Variants in MALRD1 observed in about 807,000 individuals in gnomAD.
MALRD1 encodes MAM and LDL-receptor class A domain-containing protein 1.
Under a neutral mutation model 242.1 loss-of-function variants are expected in MALRD1, and 247 were observed. The ratio of observed to expected loss-of-function variants is 1.02; its 90% confidence interval spans 0.92 to 1.13. MALRD1 has a LOEUF of 1.13. Among genes scored for constraint, MALRD1 ranks in the 50% most tolerant of loss-of-function variants. The probability of loss-of-function intolerance (pLI) is 0.00; values close to 1 mark genes in which losing one functional copy is unlikely to be tolerated. For missense variants in MALRD1, 2,989 were observed against 2,533.1 expected, an observed-to-expected ratio of 1.18 and a Z score of -3.86; for synonymous variants, 995 against 866.6, an observed-to-expected ratio of 1.15 and a Z score of -2.60.
intron 34 of MALRD1, among the ~76,000 whole-genome samples, chr10:19,603,548 T>C (rs1458760783): frequency 6.6e-6 from 1 of 152,160 alleles, no homozygotes; most frequent in Non-Finnish European, 1.5e-5. Context: ...GTTCCATTGG[T>C]CTATATCTCT....
At chr10:19,396,286 G>A (rs918942482) in intron 28 of MALRD1, among the ~76,000 whole-genome samples, 3 of 151,710 alleles carry the variant, frequency 2.0e-5, no homozygotes, top group Admixed American at 6.6e-5. Flanking sequence ...ACAGGTGCAC[G>A]CCACCACGCC....
chr10:19,098,465 A>C (rs1160681965), intron 4 of MALRD1, among the ~76,000 whole-genome samples: 1 of 152,162 alleles, frequency 6.6e-6, no homozygotes, highest in Non-Finnish European at 1.5e-5. Context: ...TAACTCTTAA[A>C]ATTCTACCCT....
chr10:19,567,619 G>A lies in MALRD1; in HGVS notation c.5596G>A (p.Ala1866Thr), dbSNP rs1415915459. The change falls in exon 33 of 40, where the codon GCA becomes ACA. Residue 1866 changes from alanine (A) to threonine (T), a missense_variant. Physicochemically the swap from Ala to Thr is moderately conservative, Grantham distance 58. Transcript: ENST00000454679. ...PLSSNSPFKV[A>T]FEADLDGNED... ...CTCCAGTAACAGTCCGTTTAAGGTGGCATTTGAAGCTGATTTGGATGGAAA... is the reference window on the plus strand; with the variant it reads ...CTCCAGTAACAGTCCGTTTAAGGTGACATTTGAAGCTGATTTGGATGGAAA... 7.7e-6 allele frequency: 12 copies of A among 1,550,558 alleles called. No individual in the cohort carries two copies. The East Asian group carries it at 1.7e-4, about 22-fold the overall frequency.
In MALRD1 at chr10:19,734,159, T is replaced by A. The variant is rs1461937934; in HGVS notation, c.6393T>A (p.Ser2131Arg). Residue 2131 changes from serine (S) to arginine (R), a missense_variant and splice_region_variant, in exon 40 of 40, where the codon AGT becomes AGA. Coordinates refer to ENST00000454679, the MANE Select transcript of MALRD1 (RefSeq NM_001142308.3). ...TCAAATGTGTTTTTCTTCGTCAGAG[T>A]TCTGTCTATTCCTTCTCAAACCCAT... ...GNWSNPEKTE[S>R]SVYSFSNPLY... 1 of 1,531,904 alleles carries A rather than the reference T, an allele frequency of 6.5e-7. No homozygotes were observed. Among genetic ancestry groups the A allele is most frequent in the Non-Finnish European group, 8.7e-7 (1 of 1,145,518 alleles). The allele number at this position is 1,531,904 out of a possible 1,614,324, so 94.9% of individuals were successfully genotyped here. A position where few individuals can be genotyped will look rare whatever the true frequency, so the allele number is the denominator to read the frequency against.
chr10:19,546,052 G>T (rs1376222475), intron 32 of MALRD1, among the ~76,000 whole-genome samples: 1 of 151,974 alleles, frequency 6.6e-6, no homozygotes, highest in Non-Finnish European at 1.5e-5. Flanking sequence ...TTTCCCATTG[G>T]TTCTGTTAAC....
chr10:19,608,568 T>C (rs1005491094), intron 35 of MALRD1, among the ~76,000 whole-genome samples: 2 of 152,028 alleles, frequency 1.3e-5, no homozygotes, highest in African/African-American at 2.4e-5. Flanking sequence ...TAATATAATT[T>C]TGTCCTAACT....
intron 29 of MALRD1, among the ~76,000 whole-genome samples, chr10:19,472,360 C>T (rs547279636): frequency 1.4e-4 from 21 of 151,882 alleles, no homozygotes; most frequent in Non-Finnish European, 2.4e-4. Context: ...CCTGTATTTT[C>T]TTTTCTTGTA....
intron 21 of MALRD1, among the ~76,000 whole-genome samples, chr10:19,319,672 A>C (rs567858643): frequency 2.2e-4 from 34 of 151,976 alleles, no homozygotes; most frequent in African/African-American, 7.5e-4. Context: ...TCCTTCATGG[A>C]TGGTGCCTGC....
intron 12 of MALRD1, among the ~76,000 whole-genome samples, chr10:19,163,077 G>A (rs1332430629): frequency 7.4e-6 from 1 of 134,882 alleles, no homozygotes; most frequent in African/African-American, 2.8e-5. Context: ...GTTTGAGGCT[G>A]CAGTGAGCCG....
At chr10:19,518,650 G>A (rs1347599120) in intron 31 of MALRD1, among the ~76,000 whole-genome samples, 4 of 150,982 alleles carry the variant, frequency 2.6e-5, no homozygotes, top group African/African-American at 9.7e-5. Flanking sequence ...GCATTTTCAG[G>A]TAATGGTGTG....
At chr10:19,515,367 A>G (rs571281772) in intron 31 of MALRD1, among the ~76,000 whole-genome samples, 2 of 152,232 alleles carry the variant, frequency 1.3e-5, no homozygotes, top group African/African-American at 4.8e-5. Context: ...GTACTTTTTC[A>G]TAGTACACTT....
chr10:19,579,747 T>C (rs982226485), intron 33 of MALRD1, among the ~76,000 whole-genome samples: 5 of 152,200 alleles, frequency 3.3e-5, no homozygotes, highest in Admixed American at 6.5e-5. Context: ...GACTTAACCC[T>C]GTAAGGCGTT....
At position 19,209,399 on chromosome 10, in the gene MALRD1, C is replaced by G. The variant is rs1588700346; in HGVS notation, c.2710C>G (p.Leu904Val). ...CACAGGGCCAATGAAAGATAACACT[C>G]TGGGCACAGCTAAAGGACACTATCT... ...LNTGPMKDNTLGTAKGHYLYI... is the reference protein window; with the variant it reads ...LNTGPMKDNTVGTAKGHYLYI... The change falls in exon 18 of 40, where the codon CTG (leucine) becomes GTG (valine). Residue 904 changes from leucine to valine, a missense_variant. Physicochemically the swap from Leu to Val is conservative, Grantham distance 32 (BLOSUM62 1). Transcript: ENST00000454679. 6.4e-7 allele frequency: 1 copy of G among 1,551,030 alleles called. No homozygotes were observed. The highest frequency in any genetic ancestry group is 1.2e-5 in the South Asian group (1 of 84,068).
chr10:19,137,988 A>G (rs943663056), intron 10 of MALRD1, among the ~76,000 whole-genome samples: 1 of 152,236 alleles, frequency 6.6e-6, no homozygotes, highest in Non-Finnish European at 1.5e-5. Flanking sequence ...AGGTGAAAAT[A>G]TTATAATAAG....
intron 30 of MALRD1, among the ~76,000 whole-genome samples, chr10:19,494,364 A>G: frequency 6.6e-6 from 1 of 152,176 alleles, no homozygotes; most frequent in Non-Finnish European, 1.5e-5. Flanking sequence ...GGCAACTCAA[A>G]TGGCCAGAGT....
intron 14 of MALRD1, among the ~76,000 whole-genome samples, chr10:19,182,122 G>A (rs1403994149): frequency 6.6e-6 from 1 of 151,876 alleles, no homozygotes; most frequent in Non-Finnish European, 1.5e-5. Flanking sequence ...TTCTGCCAGG[G>A]ATTAACAGTT....
At chr10:19,712,879 T>G (rs1329244398) in intron 38 of MALRD1, among the ~76,000 whole-genome samples, 1 of 152,142 alleles carries the variant, frequency 6.6e-6, no homozygotes, top group Non-Finnish European at 1.5e-5. Flanking sequence ...ACCATGTAAG[T>G]CAATATTTAC....
chr10:19,315,606 A>G (rs1281840313), intron 21 of MALRD1, among the ~76,000 whole-genome samples: 3 of 122,232 alleles, frequency 2.5e-5, no homozygotes, highest in African/African-American at 9.8e-5. Context: ...TATATAAATT[A>G]TAAATATTTA....
chr10:19,638,255 T>C (rs949154542), intron 36 of MALRD1, among the ~76,000 whole-genome samples: 2 of 152,096 alleles, frequency 1.3e-5, no homozygotes, highest in Non-Finnish European at 2.9e-5. Flanking sequence ...CTACTTTTTT[T>C]CCCTTTTTGT....
Sources: gnomAD v4.1 joint callset for allele counts (sites outside exome capture counted in the v4.1 genomes callset) on GRCh38, gnomAD v4.1.1 for gene constraint, MANE v1.5 for transcripts, NCBI Gene and HGNC (gene_info 2026-07-23, HGNC 2026-07-21) for gene names.